MYRIP: variants seen among roughly 807,000 people sequenced by gnomAD.
MYRIP encodes the protein rab effector MyRIP.
A neutral mutation model predicts 98.0 loss-of-function variants in MYRIP; 49 were observed. The ratio of observed to expected loss-of-function variants is 0.50; its 90% CI spans 0.40 to 0.63. MYRIP has a LOEUF of 0.63. MYRIP is among the 30% of genes least tolerant of loss of function. The pLI is 0.00. For missense variants in MYRIP, 1,004 were observed against 1,058.2 expected, an observed-to-expected ratio of 0.95 and a Z score of 0.71; for synonymous variants, 404 against 409.5, an observed-to-expected ratio of 0.99 and a Z score of 0.16.
At chr3:40,073,066 G>A (rs1331938510) in intron 3 of MYRIP, among the ~76,000 whole-genome samples, 1 of 152,164 alleles carries the variant, frequency 6.6e-6, no homozygotes, top group Non-Finnish European at 1.5e-5. Flanking sequence ...GAACGTACAA[G>A]AGAAATTAGA....
intron 2 of MYRIP, among the ~76,000 whole-genome samples, chr3:40,041,429 C>T (rs538799378): frequency 4.5e-4 from 67 of 149,510 alleles, no homozygotes; most frequent in Middle Eastern, 3.2e-3. Flanking sequence ...CTGATTACGA[C>T]GCACTGACGA....
At chr3:40,021,481 G>A (rs542225093) in intron 2 of MYRIP, among the ~76,000 whole-genome samples, 2 of 152,318 alleles carry the variant, frequency 1.3e-5, no homozygotes, top group South Asian at 4.1e-4. Flanking sequence ...CTGAGCTGTA[G>A]AGATCCTCTG....
At chr3:40,057,334 G>T (rs1168013453) in intron 3 of MYRIP, among the ~76,000 whole-genome samples, 1 of 152,112 alleles carries the variant, frequency 6.6e-6, no homozygotes, top group Non-Finnish European at 1.5e-5. Flanking sequence ...CTTGTTACTG[G>T]GATTGCATTT....
chr3:40,004,232 T>C (rs148580296), intron 2 of MYRIP, among the ~76,000 whole-genome samples: 42 of 152,282 alleles, frequency 2.8e-4, no homozygotes, highest in African/African-American at 9.1e-4. Context: ...ACCAGAGAAA[T>C]ATTAAAGAGG....
rs1472230839 is a variant in MYRIP at position 40,239,594 on chromosome 3, G to A, written c.2101-4852G>A. 4.1e-5 allele frequency among the ~76,000 whole-genome samples: 6 copies of A among 144,968 alleles called. No individual in the cohort carries two copies. In the East Asian group the frequency reaches 6.0e-4, roughly 15 times the overall value. ...GTTGTTTCCTGACTTTTTAATGATT[G>A]CCATTCTAACTGGTGTGAGATGGTA... On this transcript the variant is annotated intron_variant, in intron 12 of 16. Transcript: ENST00000302541.
At chr3:39,938,785 A>C (rs1944715484) in intron 2 of MYRIP, among the ~76,000 whole-genome samples, 1 of 152,140 alleles carries the variant, frequency 6.6e-6, no homozygotes, top group South Asian at 2.1e-4. Flanking sequence ...AATTATAGGC[A>C]TGCACCACCA....
intron 2 of MYRIP, among the ~76,000 whole-genome samples, chr3:40,042,498 A>C (rs891818695): frequency 2.6e-5 from 4 of 152,172 alleles, no homozygotes; most frequent in African/African-American, 9.6e-5. Flanking sequence ...AGACAAGGGC[A>C]GAACGGGAGA....
chr3:40,158,514 G>A (rs943107388), intron 4 of MYRIP, among the ~76,000 whole-genome samples: 4 of 152,054 alleles, frequency 2.6e-5, no homozygotes, highest in Admixed American at 2.6e-4. Context: ...TATTAGGTGT[G>A]CTTGGTGCAG....
At chr3:40,233,617 C>G (rs1952729633) in intron 11 of MYRIP, among the ~76,000 whole-genome samples, 1 of 152,172 alleles carries the variant, frequency 6.6e-6, no homozygotes. Context: ...TTCCTCCTTC[C>G]CTCACCAAGA....
At chr3:40,197,674 A>G (rs546413362) in intron 10 of MYRIP, among the ~76,000 whole-genome samples, 5 of 152,106 alleles carry the variant, frequency 3.3e-5, no homozygotes, top group African/African-American at 9.6e-5. Flanking sequence ...AGCTTTTTAC[A>G]CCTCTTAATT....
intron 3 of MYRIP, chr3:40,071,081 T>C: frequency 1.1e-6 from 1 of 945,496 alleles, no homozygotes; most frequent in Non-Finnish European, 1.3e-6. Context: ...CATAAGAATC[T>C]GTGGTAGGGA....
At chr3:39,947,982 G>A (rs534728054) in intron 2 of MYRIP, among the ~76,000 whole-genome samples, 2 of 152,252 alleles carry the variant, frequency 1.3e-5, no homozygotes, top group South Asian at 2.1e-4. Flanking sequence ...GGCCTGGACA[G>A]CAAGACTTTT....
intron 3 of MYRIP, among the ~76,000 whole-genome samples, chr3:40,123,832 G>C (rs1329035760): frequency 6.6e-6 from 1 of 152,188 alleles, no homozygotes; most frequent in Non-Finnish European, 1.5e-5. Context: ...GTTTCTAGCG[G>C]GTGGATGGAA....
At chr3:40,193,716 T>C (rs1371168473) in intron 10 of MYRIP, among the ~76,000 whole-genome samples, 1 of 152,126 alleles carries the variant, frequency 6.6e-6, no homozygotes, top group Non-Finnish European at 1.5e-5. Flanking sequence ...TTGTCAACAA[T>C]AGTGTTGTCA....
At chr3:39,827,375 A>G (rs1941301819) in intron 1 of MYRIP, among the ~76,000 whole-genome samples, 3 of 152,130 alleles carry the variant, frequency 2.0e-5, no homozygotes, top group African/African-American at 7.2e-5. Context: ...GGCCTCCCCA[A>G]ATACTCAGTT....
chr3:40,072,282 T>A (rs1229425622), intron 3 of MYRIP, among the ~76,000 whole-genome samples: 1 of 152,102 alleles, frequency 6.6e-6, no homozygotes, highest in East Asian at 1.9e-4. Flanking sequence ...GATCTTGGCT[T>A]ACTGCAACCT....
At chr3:40,143,996 G>C (rs1306740419) in intron 3 of MYRIP, among the ~76,000 whole-genome samples, 1 of 152,088 alleles carries the variant, frequency 6.6e-6, no homozygotes, top group Non-Finnish European at 1.5e-5. Flanking sequence ...TAGAGTTTTG[G>C]TATAAGCAAT....
intron 2 of MYRIP, among the ~76,000 whole-genome samples, chr3:39,981,236 T>A (rs955609772): frequency 9.2e-5 from 14 of 152,200 alleles, no homozygotes; most frequent in African/African-American, 3.1e-4. Flanking sequence ...AAGAGATTCT[T>A]TGAGGCCAAT....
At chr3:40,186,604 A>G (rs1363187138) in intron 9 of MYRIP, among the ~76,000 whole-genome samples, 2 of 152,132 alleles carry the variant, frequency 1.3e-5, no homozygotes, top group African/African-American at 4.8e-5. Context: ...GAGGCGATGA[A>G]TCCTGGGTAC....
Sources: gnomAD v4.1 joint callset for allele counts (sites outside exome capture counted in the v4.1 genomes callset) on GRCh38, gnomAD v4.1.1 for gene constraint, MANE v1.5 for transcripts, NCBI Gene and HGNC (gene_info 2026-07-23, HGNC 2026-07-21) for gene names.